The following ZYG11B variants were observed in gnomAD, a reference collection of about 807,000 sequenced individuals.
The protein encoded by ZYG11B is zyg-11 family member B, cell cycle regulator.
ZYG11B carries 36 observed loss-of-function variants against 82.4 expected under a neutral mutation model. That is an observed-to-expected ratio of 0.44 (90% CI 0.33 to 0.58). The LOEUF is 0.58. Ranked by LOEUF, ZYG11B falls within the 20% of genes least tolerant of loss-of-function variation. ZYG11B has a pLI of 0.02. For missense variants in ZYG11B, 552 were observed against 895.6 expected, an observed-to-expected ratio of 0.62 and a Z score of 4.90; for synonymous variants, 303 against 312.8, an observed-to-expected ratio of 0.97 and a Z score of 0.33.
intron 2 of ZYG11B, among the ~76,000 whole-genome samples, 196 bp downstream of exon 2, chr1:52,756,819 T>C (rs1046482135): frequency 8.0e-4 from 120 of 150,110 alleles, no homozygotes; most frequent in South Asian, 1.7e-3. Context: ...ATTTTTCTTT[T>C]TTTTTTTTTT....
chr1:52,789,926 T>TA, intron 5 of ZYG11B, 77 bp from the exon 6 acceptor site: 2 of 1,044,380 alleles, frequency 1.9e-6, no homozygotes, highest in Non-Finnish European at 2.7e-6. Flanking sequence ...TTTTTTTTTT[T>TA]TTATGGAAGC....
intron 13 of ZYG11B, among the ~76,000 whole-genome samples, chr1:52,819,050 T>G (rs1016546807): frequency 6.6e-6 from 1 of 152,182 alleles, no homozygotes; most frequent in African/African-American, 2.4e-5. Context: ...GTGCTGGGAT[T>G]ACAGGCATGA....
chr1:52,815,344 A>C (rs1243498616), intron 12 of ZYG11B, among the ~76,000 whole-genome samples: 1 of 152,108 alleles, frequency 6.6e-6, no homozygotes, highest in Non-Finnish European at 1.5e-5. Context: ...TCTACTAAAA[A>C]ATAAAAAAAC....
chr1:52,778,116 A>G (rs1277556365), intron 3 of ZYG11B, among the ~76,000 whole-genome samples: 1 of 152,184 alleles, frequency 6.6e-6, no homozygotes, highest in Non-Finnish European at 1.5e-5. Flanking sequence ...TTATAATTTT[A>G]TGACCCAACT....
chr1:52,796,919 T>TATATATA (rs1558137196), intron 8 of ZYG11B, 135 bp downstream of exon 8: 3 of 100,648 alleles, frequency 3.0e-5, no homozygotes, highest in African/African-American at 8.9e-5. Flanking sequence ...TATTATATAT[T>TATATATA]ATATATAATT....
intron 2 of ZYG11B, among the ~76,000 whole-genome samples, chr1:52,765,319 C>T (rs928262184): frequency 2.6e-5 from 4 of 152,220 alleles, no homozygotes; most frequent in Admixed American, 1.3e-4. Context: ...CCTCCTGCCT[C>T]AGCCTCCTAA....
chr1:52,779,186 G>C (rs1425342697), intron 3 of ZYG11B, among the ~76,000 whole-genome samples: 1 of 152,078 alleles, frequency 6.6e-6, no homozygotes, highest in Non-Finnish European at 1.5e-5. Context: ...CTTACGGAAA[G>C]GTGAGGAAAA....
intron 10 of ZYG11B, among the ~76,000 whole-genome samples, chr1:52,803,704 C>G (rs1230994099): frequency 6.6e-6 from 1 of 152,132 alleles, no homozygotes; most frequent in Non-Finnish European, 1.5e-5. Flanking sequence ...CAGACTCAAG[C>G]AATCTTCTCA....
chr1:52,731,274 CA>C (rs1173537902), intron 1 of ZYG11B, among the ~76,000 whole-genome samples: 3 of 91,328 alleles, frequency 3.3e-5, no homozygotes, highest in African/African-American at 4.8e-5. Flanking sequence ...GGCTCCATCT[CA>C]AAAAAAAAGA....
intron 8 of ZYG11B, among the ~76,000 whole-genome samples, chr1:52,801,073 AT>A (rs1476325026): frequency 1.2e-4 from 19 of 152,232 alleles, no homozygotes; most frequent in African/African-American, 4.3e-4. Flanking sequence ...GATAGAACTA[AT>A]TTGCACCTGG....
chr1:52,798,865 T>A (rs560477021), intron 8 of ZYG11B, among the ~76,000 whole-genome samples: 1 of 152,278 alleles, frequency 6.6e-6, no homozygotes, highest in African/African-American at 2.4e-5. Context: ...TAAACATGCC[T>A]GTTAAAATCC....
At chr1:52,789,737 T>C (rs1644940566) in intron 5 of ZYG11B, among the ~76,000 whole-genome samples, 1 of 152,144 alleles carries the variant, frequency 6.6e-6, no homozygotes, top group African/African-American at 2.4e-5. Context: ...GGTTACTTCA[T>C]AGGCCACCAG....
At chr1:52,811,268 T>G (rs1162252828) in intron 10 of ZYG11B, among the ~76,000 whole-genome samples, 1 of 152,138 alleles carries the variant, frequency 6.6e-6, no homozygotes, top group African/African-American at 2.4e-5. Flanking sequence ...GTTTATAATT[T>G]TTATCACATT....
chr1:52,816,567 T>C lies in ZYG11B; in HGVS notation c.1982T>C (p.Phe661Ser), dbSNP rs1263873289. 1.9e-6 allele frequency: 3 copies of C among 1,613,148 alleles called. No homozygotes were observed. The highest frequency in any genetic ancestry group is 2.5e-6 in the Non-Finnish European group (3 of 1,179,868). ...CCATTTTTCCCATTACTTGGCTGTT[T>C]CACAACACCAGGAGTTCAGCTATGG... ...FNPFFPLLGC[F>S]TTPGVQLWAV... The change falls in exon 13 of 14, where the codon TTC becomes TCC. Residue 661 changes from phenylalanine to serine, a missense_variant. Physicochemically the swap from Phe to Ser is radical, Grantham distance 155 (BLOSUM62 -2). This residue lies in a region of ZYG11B where 127 missense variants were observed against 163.4 expected (regional missense o/e 0.78). Transcript: ENST00000294353.
rs1380300750 is a variant in ZYG11B, at chr1:52,737,783, G to T, written c.30+11100G>T. Among the ~76,000 whole-genome samples the T allele has an allele frequency of 2.6e-5, 4 of 152,220 alleles. No individual in the cohort carries two copies. The East Asian group carries it at 7.7e-4, about 29-fold the overall frequency. On this transcript the variant is annotated intron_variant, in intron 1 of 13. Transcript: ENST00000294353. ...GTCTCAAAAAAAACACAACAATACTGAGCAGTATGATGTTTCATCAGTGTG... is the reference window on the plus strand; with the variant it reads ...GTCTCAAAAAAAACACAACAATACTTAGCAGTATGATGTTTCATCAGTGTG...
intron 12 of ZYG11B, among the ~76,000 whole-genome samples, chr1:52,814,475 C>T (rs1645207758): frequency 6.6e-6 from 1 of 152,310 alleles, no homozygotes; most frequent in Admixed American, 6.5e-5. Context: ...ATGGTGTCTG[C>T]ACACAAGAAT....
intron 10 of ZYG11B, among the ~76,000 whole-genome samples, chr1:52,811,133 A>G (rs1040074675): frequency 2.6e-5 from 4 of 151,834 alleles, no homozygotes; most frequent in East Asian, 1.9e-4. Context: ...TGTGCTAGCA[A>G]TGACTTCTCA....
intron 13 of ZYG11B, 26 bp downstream of exon 13, chr1:52,816,655 G>GT (rs752428511): frequency 5.9e-5 from 88 of 1,503,980 alleles, no homozygotes; most frequent in East Asian, 1.1e-4. Flanking sequence ...AAAGAACTGT[G>GT]TTTTTTTTCT....
chr1:52,809,495 CTCTTT>C (rs1354287160), intron 10 of ZYG11B, among the ~76,000 whole-genome samples: 2 of 152,118 alleles, frequency 1.3e-5, no homozygotes, highest in East Asian at 3.9e-4. Context: ...CCACAAATAT[CTCTTT>C]TAAGACTCTA....
Sources: gnomAD v4.1 joint callset for allele counts (sites outside exome capture counted in the v4.1 genomes callset) on GRCh38, gnomAD v4.1.1 for gene constraint, gnomAD v4.1.1 regional missense constraint, MANE v1.5 for transcripts, NCBI Gene and HGNC (gene_info 2026-07-23, HGNC 2026-07-21) for gene names.